VPS13B: variants seen among roughly 807,000 people sequenced by gnomAD.
VPS13B encodes intermembrane lipid transfer protein VPS13B.
VPS13B carries 285 observed loss-of-function variants against 426.4 expected under a neutral mutation model. That is an observed-to-expected ratio of 0.67 (90% CI 0.61 to 0.74). The LOEUF is 0.74. Ranked by LOEUF, VPS13B falls within the 30% of genes least tolerant of loss-of-function variation. The probability of loss-of-function intolerance (pLI) is 0.00; values close to 1 mark genes in which losing one functional copy is unlikely to be tolerated. For missense variants in VPS13B, 4,537 were observed against 4,782.6 expected (o/e 0.95, Z 1.51); for synonymous variants, 1,676 against 1,676.4 (o/e 1.00, Z 0.01).
At chr8:99,293,486 G>T (rs1157817898) in intron 19 of VPS13B, among the ~76,000 whole-genome samples, 61 of 108,780 alleles carry the variant, frequency 5.6e-4, no homozygotes, top group Non-Finnish European at 9.4e-4. Context: ...GCGTGGGCAA[G>T]GACTTCATGT....
intron 25 of VPS13B, among the ~76,000 whole-genome samples, chr8:99,497,766 A>G (rs186544345): frequency 2.4e-4 from 36 of 152,248 alleles, no homozygotes; most frequent in Non-Finnish European, 2.9e-4. Context: ...TTATTATGCA[A>G]ACAACCGTTT....
intron 3 of VPS13B, among the ~76,000 whole-genome samples, chr8:99,086,338 A>T (rs1341314837): frequency 6.6e-6 from 1 of 151,852 alleles, no homozygotes. Flanking sequence ...CTTTGCATTG[A>T]TTATTCTAGT....
chr8:99,759,509 C>G (rs920991417), intron 39 of VPS13B, among the ~76,000 whole-genome samples: 4 of 152,196 alleles, frequency 2.6e-5, no homozygotes, highest in African/African-American at 9.7e-5. Flanking sequence ...TGTTTTTCCA[C>G]TATACACTCC....
At chr8:99,692,730 C>T (rs1383195252) in intron 35 of VPS13B, among the ~76,000 whole-genome samples, 2 of 146,200 alleles carry the variant, frequency 1.4e-5, no homozygotes, top group African/African-American at 2.6e-5. Flanking sequence ...ACAAAAAAAC[C>T]CTTCAAAAAA....
At chr8:99,231,105 G>T (rs1413075876) in intron 17 of VPS13B, among the ~76,000 whole-genome samples, 1 of 152,154 alleles carries the variant, frequency 6.6e-6, no homozygotes, top group Non-Finnish European at 1.5e-5. Flanking sequence ...ATGTGTTAAA[G>T]TTCTGTCAAT....
intron 33 of VPS13B, among the ~76,000 whole-genome samples, chr8:99,640,220 A>G (rs1184425612): frequency 6.6e-6 from 1 of 151,976 alleles, no homozygotes; most frequent in Non-Finnish European, 1.5e-5. Context: ...AATATTCAGT[A>G]ACTTTAAACT....
At chr8:99,285,852 C>T (rs1017523747) in intron 19 of VPS13B, among the ~76,000 whole-genome samples, 6 of 152,148 alleles carry the variant, frequency 3.9e-5, no homozygotes, top group African/African-American at 1.4e-4. Flanking sequence ...ACAGCCTTTG[C>T]ATTCCTTTTA....
intron 33 of VPS13B, among the ~76,000 whole-genome samples, chr8:99,589,911 G>T (rs1826522715): frequency 6.6e-6 from 1 of 152,180 alleles, no homozygotes; most frequent in South Asian, 2.1e-4. Flanking sequence ...CAGAAGGAAT[G>T]TTCCCAGCTC....
At chr8:99,094,599 C>T (rs1368361124) in intron 3 of VPS13B, among the ~76,000 whole-genome samples, 4 of 152,070 alleles carry the variant, frequency 2.6e-5, no homozygotes, top group African/African-American at 7.2e-5. Context: ...TTTTTTCTAA[C>T]GTATCACTAC....
chr8:99,249,177 T>C (rs1198452663), intron 17 of VPS13B, among the ~76,000 whole-genome samples: 6 of 152,132 alleles, frequency 3.9e-5, no homozygotes, highest in African/African-American at 1.4e-4. Flanking sequence ...GCCACAGATC[T>C]AGCCAAGTTG....
At chr8:99,276,215 T>C (rs1335905503) in intron 19 of VPS13B, among the ~76,000 whole-genome samples, 1 of 152,120 alleles carries the variant, frequency 6.6e-6, no homozygotes, top group African/African-American at 2.4e-5. Context: ...AAGATGAGTA[T>C]ATTATGATAA....
At chr8:99,555,883 T>A (rs1051735407) in intron 30 of VPS13B, among the ~76,000 whole-genome samples, 18 of 152,286 alleles carry the variant, frequency 1.2e-4, no homozygotes, top group Non-Finnish European at 2.2e-4. Context: ...ACATTTGGGT[T>A]ATATAAAGAA....
chr8:99,474,821 ACCCAGCGATTTCT>A (rs1240339511), intron 24 of VPS13B, among the ~76,000 whole-genome samples: 1 of 152,114 alleles, frequency 6.6e-6, no homozygotes, highest in Non-Finnish European at 1.5e-5. Flanking sequence ...TTATCATACA[ACCCAGCGATTTCT>A]CCCTATGTAT....
intron 38 of VPS13B, 75 bp downstream of exon 38, chr8:99,720,627 A>T: frequency 2.7e-6 from 4 of 1,484,632 alleles, no homozygotes; most frequent in Non-Finnish European, 3.7e-6. Context: ...TGACTAAATA[A>T]AAACAATCAA....
chr8:99,550,198 A>G (rs760378184), intron 30 of VPS13B, among the ~76,000 whole-genome samples: 1 of 152,106 alleles, frequency 6.6e-6, no homozygotes, highest in African/African-American at 2.4e-5. Context: ...GACTAAGGCT[A>G]TGAGTAGGGA....
chr8:99,560,901 A>G (rs1172564716), intron 31 of VPS13B, among the ~76,000 whole-genome samples: 3 of 152,190 alleles, frequency 2.0e-5, no homozygotes, highest in Non-Finnish European at 4.4e-5. Context: ...TATCATAACA[A>G]AGAACATGAG....
intron 33 of VPS13B, among the ~76,000 whole-genome samples, chr8:99,596,478 C>G (rs1170899301): frequency 6.6e-6 from 1 of 151,980 alleles, no homozygotes; most frequent in Non-Finnish European, 1.5e-5. Context: ...TATAGTGGCT[C>G]TGCTCCCTAA....
intron 12 of VPS13B, among the ~76,000 whole-genome samples, chr8:99,140,801 A>G (rs1322775698): frequency 6.6e-6 from 1 of 152,164 alleles, no homozygotes; most frequent in Non-Finnish European, 1.5e-5. Context: ...TACAGACACC[A>G]GTAAAAGTTT....
In VPS13B at chr8:99,478,454, T is replaced by G. The variant is rs866263939; in HGVS notation, c.3667-3145T>G. On this transcript the variant is annotated intron_variant, in intron 24 of 61. Coordinates refer to ENST00000357162, the MANE Select transcript of VPS13B (RefSeq NM_152564.5). ...CAGTTGTTTTTTTGTTTTGTTTTTT[T>G]TTTTTTTTTTTGTTTTTTGTTTTTT... Among the ~76,000 whole-genome samples, 53 of 131,102 alleles carry G rather than the reference T, an allele frequency of 4.0e-4. 1 individual carries two copies. Among genetic ancestry groups the G allele is most frequent in the South Asian group, 3.6e-3 (16 of 4,462 alleles). The allele number at this position is 131,102 out of a possible 152,430, so 86.0% of individuals were successfully genotyped here.
Sources: gnomAD v4.1 joint callset for allele counts (sites outside exome capture counted in the v4.1 genomes callset) on GRCh38, gnomAD v4.1.1 for gene constraint, MANE v1.5 for transcripts, NCBI Gene and HGNC (gene_info 2026-07-23, HGNC 2026-07-21) for gene names.